Variants in COX16 observed in about 807,000 individuals in gnomAD.
COX16 encodes cytochrome c oxidase assembly factor COX16, also known as cytochrome c oxidase assembly protein COX16 homolog, mitochondrial.
Under a neutral mutation model 15.4 loss-of-function variants are expected in COX16, and 12 were observed. The ratio of observed to expected loss-of-function variants is 0.78; its 90% CI spans 0.50 to 1.26. COX16 has a LOEUF of 1.26. COX16 is among the 50% of genes most tolerant of loss of function. The probability of loss-of-function intolerance (pLI) is 0.00; values close to 1 mark genes in which losing one functional copy is unlikely to be tolerated. For missense variants in COX16, 124 were observed against 127.6 expected (o/e 0.97, Z 0.14); for synonymous variants, 46 against 41.1 (o/e 1.12, Z -0.46).
Position 70,359,252 on chromosome 14 carries a change from C to A in COX16, c.69+267G>T, listed in dbSNP as rs550240269. On this transcript the variant is annotated intron_variant, in intron 1 of 3. Coordinates refer to ENST00000389912, the MANE Select transcript of COX16 (RefSeq NM_016468.7). ...CAAGGGTAGTAACAATGACCGCGTT[C>A]GACGATGGGAAAGACGCCACGCTCA... 4.2e-5 allele frequency: 24 copies of A among 574,260 alleles called. No individual in the cohort carries two copies. In the East Asian group the frequency reaches 9.0e-4, roughly 22 times the overall value. The allele number at this position is 574,260 out of a possible 1,614,324, so 35.6% of individuals were successfully genotyped here. A position where few individuals can be genotyped will look rare whatever the true frequency, so the allele number is the denominator to read the frequency against.
chr14:70,357,523 T>G (rs1383593059), intron 1 of COX16, among the ~76,000 whole-genome samples: 1 of 152,218 alleles, frequency 6.6e-6, no homozygotes, highest in African/African-American at 2.4e-5. Flanking sequence ...TTGTTGGTTT[T>G]GGGTTTTAAA....
chr14:70,347,348 A>G (rs1594922270), intron 1 of COX16, among the ~76,000 whole-genome samples: 2 of 152,086 alleles, frequency 1.3e-5, no homozygotes, highest in South Asian at 2.1e-4. Context: ...ACTTTCTGCA[A>G]TTCCCTCCAA....
chr14:70,328,115 TGTCACCCAGGC>T (rs1203685112), intron 3 of COX16: 2 of 115,224 alleles, frequency 1.7e-5, no homozygotes, highest in Non-Finnish European at 3.4e-5. Context: ...AGTCTCGTTC[TGTCACCCAGGC>T]TGGAGTGCAG....
intron 2 of COX16, among the ~76,000 whole-genome samples, chr14:70,332,961 G>A (rs1247186507): frequency 6.6e-6 from 1 of 152,204 alleles, no homozygotes; most frequent in African/African-American, 2.4e-5. Context: ...AAAAAGCCAT[G>A]CCAACCTTGG....
At chr14:70,343,568 A>G (rs1939661036) in intron 1 of COX16, among the ~76,000 whole-genome samples, 1 of 152,186 alleles carries the variant, frequency 6.6e-6, no homozygotes, top group South Asian at 2.1e-4. Flanking sequence ...ATCTCATGAA[A>G]ACTTGCTGCA....
At chr14:70,353,441 T>C (rs1887028081) in intron 1 of COX16, among the ~76,000 whole-genome samples, 1 of 146,960 alleles carries the variant, frequency 6.8e-6, no homozygotes, top group African/African-American at 2.5e-5. Context: ...TATACACACA[T>C]ATATATACAC....
intron 2 of COX16, among the ~76,000 whole-genome samples, chr14:70,337,652 G>C (rs1349572010): frequency 6.6e-6 from 1 of 152,052 alleles, no homozygotes; most frequent in Non-Finnish European, 1.5e-5. Flanking sequence ...CCTTATGTTG[G>C]AGACAGGCCT....
At chr14:70,358,178 GGTAGAA>G (rs1887187995) in intron 1 of COX16, among the ~76,000 whole-genome samples, 1 of 152,052 alleles carries the variant, frequency 6.6e-6, no homozygotes, top group South Asian at 2.1e-4. Context: ...CAAATTTACG[GGTAGAA>G]GTAGATTAGT....
chr14:70,342,168 G>A (rs1886643809), intron 2 of COX16, among the ~76,000 whole-genome samples: 1 of 152,130 alleles, frequency 6.6e-6, no homozygotes, highest in African/African-American at 2.4e-5. Flanking sequence ...TACTAGACTG[G>A]GCACAGTGGC....
intron 3 of COX16, among the ~76,000 whole-genome samples, chr14:70,326,790 G>GAAAGGGTTAT (rs1404473973): frequency 2.0e-5 from 3 of 151,994 alleles, no homozygotes; most frequent in Non-Finnish European, 4.4e-5. Context: ...CACAGTGACT[G>GAAAGGGTTAT]AAAGGGTTAT....
Position 70,359,540 on chromosome 14 carries a change from G to C in COX16, c.48C>G (p.Leu16=). 6.2e-7 allele frequency: 1 copy of C among 1,613,996 alleles called. No individual in the cohort carries two copies. Among genetic ancestry groups the C allele is most frequent in the Admixed American group, 1.7e-5 (1 of 60,018 alleles). The change falls in exon 1 of 4, where the codon CTC becomes CTG. Residue 16 remains leucine (L), a synonymous_variant. Coordinates refer to ENST00000389912, the MANE Select transcript of COX16 (RefSeq NM_016468.7). ...VMRAFRKNKT[L]GYGVPMLLLI... ...TCACCAACATGGGGACTCCATAGCC[G>C]AGAGTCTTGTTCTTGCGAAAAGCAC...
intron 1 of COX16, among the ~76,000 whole-genome samples, chr14:70,351,787 T>A (rs1420847352): frequency 3.9e-5 from 6 of 152,204 alleles, no homozygotes; most frequent in Admixed American, 3.9e-4. Flanking sequence ...TGTCACAGCT[T>A]CAAGGTTTTG....
rs1463280538 is a variant in COX16 at position 70,325,894 on chromosome 14, A to G, written c.*439T>C. 1 of 152,436 alleles carries G rather than the reference A, an allele frequency of 6.6e-6. No homozygotes were observed. 9.4% of individuals were successfully genotyped at this position (152,436 alleles called of 1,614,324 possible). ...GATCATTTTTCTTTCCCTAATAGATATGAGAGAAAATTACTGCTTGATTTT... is the reference window on the plus strand; with the variant it reads ...GATCATTTTTCTTTCCCTAATAGATGTGAGAGAAAATTACTGCTTGATTTT... On this transcript the variant is annotated 3_prime_UTR_variant, in exon 4 of 4. Transcript: ENST00000389912.
chr14:70,358,168 C>T (rs186933897), intron 1 of COX16, among the ~76,000 whole-genome samples: 27 of 152,084 alleles, frequency 1.8e-4, no homozygotes, highest in African/African-American at 6.0e-4. Context: ...GCAGAATAAG[C>T]AAATTTACGG....
chr14:70,333,953 A>C (rs1490181998), intron 2 of COX16, among the ~76,000 whole-genome samples: 1 of 152,186 alleles, frequency 6.6e-6, no homozygotes, highest in Admixed American at 6.5e-5. Flanking sequence ...AGGAAAACAA[A>C]CAAAAATACT....
chr14:70,354,993 T>C (rs1887085100), intron 1 of COX16, among the ~76,000 whole-genome samples: 1 of 152,192 alleles, frequency 6.6e-6, no homozygotes, highest in Non-Finnish European at 1.5e-5. Context: ...TCTCCTTTCC[T>C]GTATCATCAA....
intron 1 of COX16, among the ~76,000 whole-genome samples, chr14:70,353,391 A>T (rs1887024467): frequency 6.7e-6 from 1 of 148,926 alleles, no homozygotes; most frequent in Admixed American, 6.7e-5. Flanking sequence ...TTTATATATA[A>T]TTTTATATAT....
At chr14:70,333,712 A>G (rs1024938449) in intron 2 of COX16, among the ~76,000 whole-genome samples, 5 of 152,244 alleles carry the variant, frequency 3.3e-5, no homozygotes, top group East Asian at 3.8e-4. Context: ...GGAGAAATAT[A>G]TAAGTATCTG....
At chr14:70,342,188 T>C (rs1361423110) in intron 2 of COX16, among the ~76,000 whole-genome samples, 1 of 152,216 alleles carries the variant, frequency 6.6e-6, no homozygotes, top group Non-Finnish European at 1.5e-5. Flanking sequence ...CTCACACCTG[T>C]AATCCCAACA....
Sources: gnomAD v4.1 joint callset for allele counts (sites outside exome capture counted in the v4.1 genomes callset) on GRCh38, gnomAD v4.1.1 for gene constraint, MANE v1.5 for transcripts, NCBI Gene and HGNC (gene_info 2026-07-23, HGNC 2026-07-21) for gene names.